UBE2O: variants seen among roughly 807,000 people sequenced by gnomAD.
UBE2O encodes ubiquitin conjugating enzyme E2 O.
Under a neutral mutation model 125.8 loss-of-function variants are expected in UBE2O, and 15 were observed. That is an observed-to-expected ratio of 0.12 (90% CI 0.08 to 0.18). The LOEUF (loss-of-function observed/expected upper bound fraction) is 0.18, where lower values mean the gene tolerates loss of function less well. UBE2O is among the 10% of genes least tolerant of loss of function. UBE2O has a pLI of 1.00. For missense variants in UBE2O, 1,280 were observed against 1,723.6 expected (o/e 0.74, Z 4.56); for synonymous variants, 708 against 703.2 (o/e 1.01, Z -0.11).
At position 76,396,269 on chromosome 17, in the gene UBE2O, C is replaced by T. The variant is rs1448488793; in HGVS notation, c.2668G>A (p.Asp890Asn). Reference protein sequence around the residue: ...EAVPDVERKEDKPEGQSPVKA... With the variant: ...EAVPDVERKENKPEGQSPVKA... ...ACAGGTGACTGCCCCTCGGGCTTGT[C>T]CTCCTTGCGCTCTACGTCGGGCACT... Residue 890 changes from aspartate (D) to asparagine (N), a missense_variant, in exon 14 of 18, where the codon GAC becomes AAC. This residue lies in a region of UBE2O where 116 missense variants were observed against 154.8 expected (regional missense o/e 0.75). Coordinates refer to ENST00000319380, the MANE Select transcript of UBE2O (RefSeq NM_022066.4). The surrounding 1 kb of genome is among the most constrained non-coding windows in gnomAD (Gnocchi z 6.7). The T allele has an allele frequency of 1.9e-6, 3 of 1,614,106 alleles. No individual in the cohort carries two copies. Among genetic ancestry groups the T allele is most frequent in the Non-Finnish European group, 2.5e-6 (3 of 1,180,040 alleles).
chr17:76,451,392 A>T (rs933137004), intron 1 of UBE2O, among the ~76,000 whole-genome samples: 2 of 152,170 alleles, frequency 1.3e-5, no homozygotes, highest in Admixed American at 6.5e-5. Flanking sequence ...CCTGATTCAC[A>T]TTTCTCTGAG....
rs1272840979 is a variant in UBE2O, at chr17:76,392,128, AG to A, written c.2947-16del. The A allele has an allele frequency of 7.6e-6, 3 of 394,558 alleles. No homozygotes were observed. The highest frequency in any genetic ancestry group is 2.3e-5 in the South Asian group (1 of 43,934). The allele number at this position is 394,558 out of a possible 1,614,324, so 24.4% of individuals were successfully genotyped here. A position where few individuals can be genotyped will look rare whatever the true frequency, so the allele number is the denominator to read the frequency against. ...GAGAAGAGGTCCTAGGTAGGGAGGG[AG>A]GGAGGGAGGCCAAGGTTGGCAGGGG... On this transcript the variant is annotated splice_polypyrimidine_tract_variant and intron_variant, in intron 15 of 17. Transcript: ENST00000319380.
In UBE2O at chr17:76,390,608, C is replaced by A; in HGVS notation, c.*335G>T. The A allele has an allele frequency of 4.1e-6, 1 of 242,902 alleles. No homozygotes were observed. The highest frequency in any genetic ancestry group is 8.0e-6 in the Non-Finnish European group (1 of 125,210). The allele number at this position is 242,902 out of a possible 1,614,324, so 15.0% of individuals were successfully genotyped here. On this transcript the variant is annotated 3_prime_UTR_variant, in exon 18 of 18. Transcript: ENST00000319380. ...CAGGGAACCGGCCCAGAGAGCCCCG[C>A]GGCAGGCCCTGGAACACCCGCCTCT...
At chr17:76,438,877 G>C (rs146796544) in intron 1 of UBE2O, among the ~76,000 whole-genome samples, 2 of 150,608 alleles carry the variant, frequency 1.3e-5, no homozygotes, top group South Asian at 2.1e-4. Context: ...ATGCATAGGT[G>C]ACGCCATGCA....
Position 76,400,375 on chromosome 17 carries a change from G to C in UBE2O, c.1004+66C>G. On this transcript the variant is annotated intron_variant, in intron 7 of 17. Coordinates refer to ENST00000319380, the MANE Select transcript of UBE2O (RefSeq NM_022066.4). This position sits in a 1 kb window ranked among gnomAD's most constrained non-coding sequence, Gnocchi z 4.3. ...AGTGTTCTTAAGCCTCCCCAGGCATGTGACCAGGGCCCAGAGCCCTGTCCC... is the reference window on the plus strand; with the variant it reads ...AGTGTTCTTAAGCCTCCCCAGGCATCTGACCAGGGCCCAGAGCCCTGTCCC... 6.3e-7 allele frequency: 1 copy of C among 1,593,728 alleles called. No homozygotes were observed. The highest frequency in any genetic ancestry group is 8.6e-7 in the Non-Finnish European group (1 of 1,167,200).
intron 3 of UBE2O, among the ~76,000 whole-genome samples, chr17:76,403,829 A>G (rs2072372247): frequency 6.6e-6 from 1 of 152,192 alleles, no homozygotes; most frequent in South Asian, 2.1e-4. Context: ...CATGCCAGAA[A>G]GAAAGAAAGT....
chr17:76,438,446 C>A (rs980193427), intron 1 of UBE2O, among the ~76,000 whole-genome samples: 1 of 152,146 alleles, frequency 6.6e-6, no homozygotes, highest in African/African-American at 2.4e-5. Context: ...CCTGCTCTGT[C>A]TCCCACCTCC....
rs1203563840 is a variant in UBE2O at position 76,400,238 on chromosome 17, T to C, written c.1064A>G (p.Tyr355Cys). The change falls in exon 8 of 18, where the codon TAT (tyrosine) becomes TGT (cysteine). Residue 355 changes from tyrosine to cysteine, a missense_variant. Tyr to Cys is a radical substitution (Grantham distance 194). Coordinates refer to ENST00000319380, the MANE Select transcript of UBE2O (RefSeq NM_022066.4). The surrounding 1 kb of genome is among the most constrained non-coding windows in gnomAD (Gnocchi z 4.3). ...AQRQLGERCL[Y>C]VFPAKVEPAK... is the part of the protein sequence containing the mutation. ...TGGCTCTACCTTGGCTGGGAAGACATACAGACAGCGCTCCCCAAGCTGCCG... is the reference window on the plus strand; with the variant it reads ...TGGCTCTACCTTGGCTGGGAAGACACACAGACAGCGCTCCCCAAGCTGCCG... 1.2e-6 allele frequency: 2 copies of C among 1,613,980 alleles called. No individual in the cohort carries two copies. Among genetic ancestry groups the C allele is most frequent in the Non-Finnish European group, 1.7e-6 (2 of 1,179,996 alleles).
At chr17:76,424,805 A>G (rs1485668875) in intron 1 of UBE2O, among the ~76,000 whole-genome samples, 1 of 151,780 alleles carries the variant, frequency 6.6e-6, no homozygotes, top group Non-Finnish European at 1.5e-5. Context: ...GCAACAGAGC[A>G]AGACTCCATC....
In UBE2O at chr17:76,391,856, T is replaced by C. The variant is rs1240333763; in HGVS notation, c.3151-43A>G. ...CCATCAATTCTGTTCCCCAGGCCCCTATCCACCAGTGGCTCTTCCTCCTTC... is the reference window on the plus strand; with the variant it reads ...CCATCAATTCTGTTCCCCAGGCCCCCATCCACCAGTGGCTCTTCCTCCTTC... On this transcript the variant is annotated intron_variant, in intron 16 of 17. Coordinates refer to ENST00000319380, the MANE Select transcript of UBE2O (RefSeq NM_022066.4). This position sits in a 1 kb window ranked among gnomAD's most constrained non-coding sequence, Gnocchi z 8.4. 1.2e-6 allele frequency: 2 copies of C among 1,613,852 alleles called. No individual in the cohort carries two copies. Among genetic ancestry groups the C allele is most frequent in the East Asian group, 4.5e-5 (2 of 44,858 alleles).
At position 76,398,104 on chromosome 17, in the gene UBE2O, C is replaced by T; in HGVS notation, c.2025+151G>A. On this transcript the variant is annotated intron_variant, in intron 12 of 17. Transcript: ENST00000319380. The surrounding 1 kb of genome is among the most constrained non-coding windows in gnomAD (Gnocchi z 5.4). ...TGCAGCTGCTAGTGCTGAGCGGCAG[C>T]TTGACTCTGGGGCAGCTGCCCTTCT... 1 of 1,158,402 alleles carries T rather than the reference C, an allele frequency of 8.6e-7. No homozygotes were observed. The highest frequency in any genetic ancestry group is 2.2e-5 in the Admixed American group (1 of 45,492). The allele number at this position is 1,158,402 out of a possible 1,614,324, so 71.8% of individuals were successfully genotyped here.
intron 1 of UBE2O, among the ~76,000 whole-genome samples, chr17:76,418,190 A>G (rs1210305631): frequency 1.3e-5 from 2 of 152,206 alleles, no homozygotes; most frequent in African/African-American, 4.8e-5. Context: ...CTGGAACCTC[A>G]GCCTTCTGAC....
intron 1 of UBE2O, among the ~76,000 whole-genome samples, chr17:76,436,272 TTAAC>T (rs1338902095): frequency 6.6e-6 from 1 of 151,970 alleles, no homozygotes; most frequent in African/African-American, 2.4e-5. Context: ...TATTAATTAA[TTAAC>T]AAATAAAAGA....
Position 76,395,612 on chromosome 17 carries a change from G to T in UBE2O, c.2946+113C>A. On this transcript the variant is annotated intron_variant, in intron 15 of 17. Coordinates refer to ENST00000319380, the MANE Select transcript of UBE2O (RefSeq NM_022066.4). This position sits in a 1 kb window ranked among gnomAD's most constrained non-coding sequence, Gnocchi z 5.0. Reference sequence around the variant, plus strand: ...CCCTGTAAAAGGTGGGTGGGTGAGTGTCCTCGCAGGTGCCAGTCAGCCCCG... The same window carrying T: ...CCCTGTAAAAGGTGGGTGGGTGAGTTTCCTCGCAGGTGCCAGTCAGCCCCG... 7.5e-7 allele frequency: 1 copy of T among 1,339,586 alleles called. No individual in the cohort carries two copies. Among genetic ancestry groups the T allele is most frequent in the Non-Finnish European group, 1.0e-6 (1 of 983,378 alleles). The allele number at this position is 1,339,586 out of a possible 1,614,324, so 83.0% of individuals were successfully genotyped here. A position where few individuals can be genotyped will look rare whatever the true frequency, so the allele number is the denominator to read the frequency against.
chr17:76,419,611 C>T (rs2072674193), intron 1 of UBE2O, among the ~76,000 whole-genome samples: 2 of 152,196 alleles, frequency 1.3e-5, no homozygotes, highest in Non-Finnish European at 2.9e-5. Context: ...CTTGACCCAC[C>T]TCTGCTCAGG....
chr17:76,452,466 A>G lies in UBE2O; in HGVS notation c.417+259T>C, dbSNP rs990945732. 6.6e-6 allele frequency among the ~76,000 whole-genome samples: 1 copy of G among 152,194 alleles called. No homozygotes were observed. The highest frequency in any genetic ancestry group is 1.5e-5 in the Non-Finnish European group (1 of 68,030). On this transcript the variant is annotated intron_variant, in intron 1 of 17. Transcript: ENST00000319380. This position sits in a 1 kb window ranked among gnomAD's most constrained non-coding sequence, Gnocchi z 4.4. Reference sequence around the variant, plus strand: ...TAAATCTCGAGGCCGACACCACAGCATAACATGTCTTAGAAGTCCCCTCAA... The same window carrying G: ...TAAATCTCGAGGCCGACACCACAGCGTAACATGTCTTAGAAGTCCCCTCAA...
Position 76,452,829 on chromosome 17 carries a change from C to A in UBE2O, c.313G>T (p.Gly105Trp). ...GRGSSGCSEA[G>W]GAGHEEGRAS... ...CGGCCCTCCTCGTGGCCCGCGCCCC[C>A]GGCCTCGGAGCACCCCGAGCTCCCG... The change falls in exon 1 of 18, where the codon GGG (glycine) becomes TGG (tryptophan). Residue 105 changes from glycine to tryptophan, a missense_variant. This residue lies in a region of UBE2O where 188 missense variants were observed against 192.5 expected (regional missense o/e 0.98). Transcript: ENST00000319380. This position sits in a 1 kb window ranked among gnomAD's most constrained non-coding sequence, Gnocchi z 4.4. 1 of 1,505,112 alleles carries A rather than the reference C, an allele frequency of 6.6e-7. No individual in the cohort carries two copies. Among genetic ancestry groups the A allele is most frequent in the Non-Finnish European group, 8.9e-7 (1 of 1,127,854 alleles). The allele number at this position is 1,505,112 out of a possible 1,614,324, so 93.2% of individuals were successfully genotyped here.
intron 1 of UBE2O, among the ~76,000 whole-genome samples, chr17:76,449,303 T>C (rs1413219163): frequency 1.3e-5 from 2 of 152,274 alleles, no homozygotes; most frequent in African/African-American, 4.8e-5. Flanking sequence ...GGCAAGGCAC[T>C]GTGGCTTATG....
rs374536958 is a variant in UBE2O, at chr17:76,449,780, C to T, written c.417+2945G>A. ...CTAAAAATACAAAAAATTAGCCGGG[C>T]GTGATGGCGTATGCCTGTAATCCCA... On this transcript the variant is annotated intron_variant, in intron 1 of 17. Coordinates refer to ENST00000319380, the MANE Select transcript of UBE2O (RefSeq NM_022066.4). Among the ~76,000 whole-genome samples, 8 of 148,356 alleles carry T rather than the reference C, an allele frequency of 5.4e-5. No individual in the cohort carries two copies. In the East Asian group the frequency reaches 6.0e-4, roughly 11 times the overall value.
Sources: gnomAD v4.1 joint callset for allele counts (sites outside exome capture counted in the v4.1 genomes callset) on GRCh38, gnomAD v4.1.1 for gene constraint, gnomAD v4.1.1 regional missense constraint, Gnocchi (gnomAD v3.1) non-coding constraint, MANE v1.5 for transcripts, NCBI Gene and HGNC (gene_info 2026-07-23, HGNC 2026-07-21) for gene names.